Variants in KAZN observed in about 807,000 individuals in gnomAD.
KAZN encodes the protein kazrin.
A neutral mutation model predicts 87.4 loss-of-function variants in KAZN; 40 were observed. The ratio of observed to expected loss-of-function variants is 0.46; its 90% CI spans 0.36 to 0.60. The LOEUF is 0.60. KAZN is among the 20% of genes least tolerant of loss of function. The pLI is 0.00. For missense variants in KAZN, 898 were observed against 1,073.9 expected (o/e 0.84, Z 2.29); for synonymous variants, 466 against 458.3 (o/e 1.02, Z -0.22).
At chr1:14,958,657 G>A (rs1252100701) in intron 1 of KAZN, among the ~76,000 whole-genome samples, 1 of 152,182 alleles carries the variant, frequency 6.6e-6, no homozygotes, top group Non-Finnish European at 1.5e-5. Context: ...CCCCAGCCAC[G>A]CCCCTTCCAT....
In KAZN at chr1:14,909,291, C is replaced by T. The variant is rs186972876; in HGVS notation, c.227-51393C>T. Among the ~76,000 whole-genome samples, 484 of 152,224 alleles carry T rather than the reference C, an allele frequency of 3.2e-3. 3 individuals are homozygous for T. Among genetic ancestry groups the T allele is most frequent in the Middle Eastern group, 0.017 (5 of 294 alleles). The stretch of plus-strand genomic sequence containing the variant: ...AGTGAGGCTCTGAGCATTTAAGTGC[C>T]TTCTTCAGGCTCACACAGTTAACTA... On this transcript the variant is annotated intron_variant, in intron 1 of 14. Transcript: ENST00000376030.
intron 2 of KAZN, among the ~76,000 whole-genome samples, chr1:14,473,420 A>G (rs1668555587): frequency 1.3e-5 from 2 of 152,162 alleles, no homozygotes; most frequent in South Asian, 4.1e-4. Flanking sequence ...TGAGGTCAGG[A>G]GTTTGAGACC....
chr1:14,242,057 A>C (rs1648985671), intron 2 of KAZN, among the ~76,000 whole-genome samples: 1 of 152,204 alleles, frequency 6.6e-6, no homozygotes, highest in African/African-American at 2.4e-5. Context: ...TGCTCCTTGA[A>C]GTATCATCTT....
rs370654188 is a variant in KAZN, at chr1:14,253,772, A to T, written c.249+73180A>T. On this transcript the variant is annotated intron_variant, in intron 2 of 16. Transcript: ENST00000636203. ...CTGCTAAGAGAGAGCTCTTTGGCAT[A>T]CAAAATAGGCCTCGGACTTCCTTAT... Among the ~76,000 whole-genome samples, 12 of 152,214 alleles carry T rather than the reference A, an allele frequency of 7.9e-5. No homozygotes were observed. In the South Asian group the frequency reaches 2.5e-3, roughly 32 times the overall value.
chr1:14,476,880 C>A (rs1042374414), intron 2 of KAZN, among the ~76,000 whole-genome samples: 1 of 152,116 alleles, frequency 6.6e-6, no homozygotes. Context: ...TTTTGTTCTC[C>A]GACTATACCA....
At chr1:14,497,315 GCTTTA>G (rs1669995088) in intron 2 of KAZN, among the ~76,000 whole-genome samples, 1 of 97,894 alleles carries the variant, frequency 1.0e-5, no homozygotes, top group Non-Finnish European at 1.9e-5. Context: ...TCTTTTCTAT[GCTTTA>G]CTTAATTCTG....
chr1:14,946,629 G>T (rs1661832580), intron 1 of KAZN, among the ~76,000 whole-genome samples: 1 of 152,128 alleles, frequency 6.6e-6, no homozygotes, highest in Admixed American at 6.5e-5. Context: ...TGAACTGCAG[G>T]CTCACCACCC....
chr1:13,927,559 T>A (rs1341305149), intron 1 of KAZN, among the ~76,000 whole-genome samples: 1 of 152,108 alleles, frequency 6.6e-6, no homozygotes, highest in African/African-American at 2.4e-5. Context: ...TTTATCCACT[T>A]TGGACCTATG....
At chr1:15,037,801 C>G (rs954690268) in intron 3 of KAZN, among the ~76,000 whole-genome samples, 63 of 152,188 alleles carry the variant, frequency 4.1e-4, no homozygotes, top group African/African-American at 1.4e-3. Flanking sequence ...AGTCGTAGGT[C>G]TGGTTTCTGG....
chr1:15,110,510 TG>T (rs879428167), intron 13 of KAZN, among the ~76,000 whole-genome samples: 33,284 of 123,558 alleles, frequency 0.27, 3,751 homozygotes, highest in South Asian at 0.34. Flanking sequence ...TGTGTATTTG[TG>T]TGTTTGTGTG....
chr1:14,713,066 G>T (rs545203651), intron 1 of KAZN, among the ~76,000 whole-genome samples: 11 of 152,058 alleles, frequency 7.2e-5, no homozygotes, highest in Non-Finnish European at 1.5e-4. Context: ...GTGGTCAGGG[G>T]GCCACTCTAA....
At chr1:13,947,770 C>G (rs888855842) in intron 1 of KAZN, among the ~76,000 whole-genome samples, 1 of 152,174 alleles carries the variant, frequency 6.6e-6, no homozygotes, top group Non-Finnish European at 1.5e-5. Flanking sequence ...GCCGTCTTCT[C>G]CCTGTATCTT....
chr1:14,063,338 GA>G (rs1265171292), intron 1 of KAZN, among the ~76,000 whole-genome samples: 2 of 152,130 alleles, frequency 1.3e-5, no homozygotes, highest in African/African-American at 4.8e-5. Flanking sequence ...TAATTATAAT[GA>G]AAAAGAAATA....
At chr1:15,044,349 A>G (rs1433877213) in intron 4 of KAZN, among the ~76,000 whole-genome samples, 190 bp downstream of exon 4, 1 of 152,150 alleles carries the variant, frequency 6.6e-6, no homozygotes, top group Non-Finnish European at 1.5e-5. Flanking sequence ...TCCCTCCAAG[A>G]CCATGCCCCC....
chr1:14,120,371 A>G (rs946113909), intron 1 of KAZN, among the ~76,000 whole-genome samples: 1 of 152,092 alleles, frequency 6.6e-6, no homozygotes, highest in Non-Finnish European at 1.5e-5. Flanking sequence ...ATGCTAAACC[A>G]TTCATGAGAA....
intron 1 of KAZN, among the ~76,000 whole-genome samples, chr1:14,723,400 C>T (rs75482054): frequency 0.12 from 17,749 of 152,140 alleles, 1,313 homozygotes; most frequent in South Asian, 0.16. Context: ...ATATCAAAGT[C>T]CTCAGGTCCC....
intron 2 of KAZN, among the ~76,000 whole-genome samples, chr1:15,018,355 C>T (rs747999762): frequency 6.6e-6 from 1 of 152,064 alleles, no homozygotes; most frequent in South Asian, 2.1e-4. Flanking sequence ...AACTCTCGCA[C>T]CCCTCCAATT....
intron 1 of KAZN, among the ~76,000 whole-genome samples, chr1:14,096,844 A>G (rs1644140291): frequency 6.6e-6 from 1 of 152,226 alleles, no homozygotes. Context: ...GAGCATCTGT[A>G]TTTTAATGGA....
chr1:14,402,091 A>T (rs1015617462), intron 2 of KAZN, among the ~76,000 whole-genome samples: 2 of 2,072 alleles, frequency 9.7e-4, no homozygotes, highest in Non-Finnish European at 2.1e-3. Flanking sequence ...GTCTATGTAA[A>T]AAAAAAAAAG....
Sources: allele counts gnomAD v4.1 joint callset (sites outside exome capture counted in the v4.1 genomes callset), GRCh38; gene constraint gnomAD v4.1.1; transcripts MANE v1.5; gene names NCBI Gene and HGNC (gene_info 2026-07-23, HGNC 2026-07-21).